MFSD12: variants seen among roughly 807,000 people sequenced by gnomAD.
MFSD12 encodes major facilitator superfamily domain containing 12, also known as major facilitator superfamily domain-containing protein 12.
In MFSD12, 67 loss-of-function variants were observed where a neutral mutation model predicts 51.2. The ratio of observed to expected loss-of-function variants is 1.31; its 90% confidence interval spans 1.08 to 1.60. The LOEUF (loss-of-function observed/expected upper bound fraction) is 1.60, where lower values mean the gene tolerates loss of function less well. Ranked by LOEUF, MFSD12 falls within the 40% of genes most tolerant of loss-of-function variation. The pLI is 0.00. For synonymous variants in MFSD12, 441 were observed against 316.7 expected (o/e 1.39, Z -4.17); for missense variants, 921 against 673.0 (o/e 1.37, Z -4.08).
intron 4 of MFSD12, chr19:3,539,047 T>C: frequency 1.5e-6 from 1 of 655,844 alleles, no homozygotes; most frequent in Non-Finnish European, 2.8e-6. Context: ...AGCCCTTCCC[T>C]CGAGGCCACC....
In MFSD12 at chr19:3,557,234, C is replaced by G; in HGVS notation, c.170G>C (p.Gly57Ala). ...LHSVRAYSSR[G>A]AGLLLLLGQV... ...GCCCAGCAGCAGCAGCAGCCCCGCGCCGCGGGAGCTGTAGGCGCGCACCGA... is the reference window on the plus strand; with the variant it reads ...GCCCAGCAGCAGCAGCAGCCCCGCGGCGCGGGAGCTGTAGGCGCGCACCGA... The change falls in exon 1 of 10, where the codon GGC (glycine) becomes GCC (alanine). Residue 57 changes from glycine (G) to alanine (A), a missense_variant. Transcript: ENST00000355415. 1.9e-6 allele frequency: 3 copies of G among 1,592,004 alleles called. No homozygotes were observed. The highest frequency in any genetic ancestry group is 2.6e-6 in the Non-Finnish European group (3 of 1,171,294).
rs549128017 is a variant in MFSD12 at position 3,551,450 on chromosome 19, C to T, written c.299-256G>A. ...AAGAAGCCAGGCGCAGGGGGTCCCC[C>T]GGAAACCTGCCCCCCACAGGTGCCC... On this transcript the variant is annotated intron_variant, in intron 1 of 9. Coordinates refer to ENST00000355415, the MANE Select transcript of MFSD12 (RefSeq NM_174983.5). This position sits in a 1 kb window ranked among gnomAD's most constrained non-coding sequence, Gnocchi z 4.6. 1.3e-3 allele frequency among the ~76,000 whole-genome samples: 198 copies of T among 152,264 alleles called. 1 individual carries two copies. Among genetic ancestry groups the T allele is most frequent in the Middle Eastern group, 3.4e-3 (1 of 294 alleles).
Position 3,544,543 on chromosome 19 carries a change from G to C in MFSD12, c.*167C>G. On this transcript the variant is annotated 3_prime_UTR_variant, in exon 10 of 10. Coordinates refer to ENST00000355415, the MANE Select transcript of MFSD12 (RefSeq NM_174983.5). Reference sequence around the variant, plus strand: ...GGGGGTCCTTGCAAGTCCCTGGCGGGCATCCCTGCTGCCCTCACCCGACCC... The same window carrying C: ...GGGGGTCCTTGCAAGTCCCTGGCGGCCATCCCTGCTGCCCTCACCCGACCC... The C allele has an allele frequency of 2.1e-6, 3 of 1,412,910 alleles. No homozygotes were observed. The highest frequency in any genetic ancestry group is 2.8e-6 in the Non-Finnish European group (3 of 1,086,214). The allele number at this position is 1,412,910 out of a possible 1,614,324, so 87.5% of individuals were successfully genotyped here. A position where few individuals can be genotyped will look rare whatever the true frequency, so the allele number is the denominator to read the frequency against.
chr19:3,548,471 C>T, intron 2 of MFSD12, among the ~76,000 whole-genome samples: 1 of 152,214 alleles, frequency 6.6e-6, no homozygotes, highest in East Asian at 1.9e-4. Context: ...AAAGCTGTGA[C>T]CTGCAGCTCC....
rs774000480 is a variant in MFSD12 at position 3,557,133 on chromosome 19, C to T, written c.271G>A (p.Gly91Ser). 8 of 1,505,194 alleles carry T rather than the reference C, an allele frequency of 5.3e-6. No individual in the cohort carries two copies. The highest frequency in any genetic ancestry group is 7.1e-6 in the Non-Finnish European group (8 of 1,129,500). The allele number at this position is 1,505,194 out of a possible 1,614,324, so 93.2% of individuals were successfully genotyped here. ...ACCAGGTGCCAGGCCTTGCGCGGGC[C>T]GTAGCGGGCGCAGCAGCTGGCGGCG... ...DRAASCCARY[G>S]PRKAWHLVGT... Residue 91 changes from glycine (G) to serine (S), a missense_variant, in exon 1 of 10, where the codon GGC (glycine) becomes AGC (serine). Gly to Ser is a moderately conservative substitution (Grantham distance 56, BLOSUM62 0). Transcript: ENST00000355415.
chr19:3,542,340 C>T, downstream of MFSD12: 3 of 985,414 alleles, frequency 3.0e-6, no homozygotes, highest in Non-Finnish European at 3.6e-6. Flanking sequence ...TGGAACCGGG[C>T]TTTCCGTGCA....
At chr19:3,540,816 T>C (rs1599807662), downstream of MFSD12, among the ~76,000 whole-genome samples, 1 of 137,312 alleles carries the variant, frequency 7.3e-6, no homozygotes. Context: ...GAGGCAGAGG[T>C]TGCAGTGAGC....
chr19:3,543,333 A>C, downstream of MFSD12: 1 of 1,549,528 alleles, frequency 6.5e-7, no homozygotes, highest in East Asian at 2.4e-5. Context: ...GCAGCCGGCC[A>C]GCTGTGGTAC....
In MFSD12 at chr19:3,557,514, C is replaced by T. The variant is rs1333158666; in HGVS notation, c.-111G>A. On this transcript the variant is annotated 5_prime_UTR_variant, in exon 1 of 10. Coordinates refer to ENST00000355415, the MANE Select transcript of MFSD12 (RefSeq NM_174983.5). Reference sequence around the variant, plus strand: ...CCGGGGACCCCCACCACGCGCCGGGCACCCCGCGTCCCGCTCTCTTACGGC... The same window carrying T: ...CCGGGGACCCCCACCACGCGCCGGGTACCCCGCGTCCCGCTCTCTTACGGC... 5 of 618,886 alleles carry T rather than the reference C, an allele frequency of 8.1e-6. No individual in the cohort carries two copies. Among genetic ancestry groups the T allele is most frequent in the Non-Finnish European group, 1.1e-5 (5 of 463,494 alleles). The allele number at this position is 618,886 out of a possible 1,614,324, so 38.3% of individuals were successfully genotyped here. A position where few individuals can be genotyped will look rare whatever the true frequency, so the allele number is the denominator to read the frequency against.
At chr19:3,539,579 G>T, downstream of MFSD12, 1 of 343,936 alleles carries the variant, frequency 2.9e-6, no homozygotes, top group Non-Finnish European at 5.4e-6. Flanking sequence ...GGGCCCTTCT[G>T]TGGCTGAGAG....
chr19:3,553,539 C>T (rs567128628), intron 1 of MFSD12, among the ~76,000 whole-genome samples: 139 of 150,270 alleles, frequency 9.3e-4, no homozygotes, highest in African/African-American at 3.3e-3. Flanking sequence ...GAGACCGAGG[C>T]GGGTGGATCA....
At chr19:3,550,715 T>G (rs2031424846) in intron 2 of MFSD12, among the ~76,000 whole-genome samples, 1 of 151,924 alleles carries the variant, frequency 6.6e-6, no homozygotes, top group Admixed American at 6.6e-5. Context: ...CAGCTGGGTG[T>G]AGTGACATAC....
In MFSD12 at chr19:3,548,103, CCACCCGGACTCCAGCT is replaced by C; in HGVS notation, c.654+4_654+19del. On this transcript the variant is annotated splice_donor_5th_base_variant and intron_variant, in intron 3 of 9. Coordinates refer to ENST00000355415, the MANE Select transcript of MFSD12 (RefSeq NM_174983.5). ...CCCTGGCTCGAGGACTTCAGGCGAC[CCACCCGGACTCCAGCT>C]CACCCGGAACACGGGCACGTCCTGG... 6.2e-7 allele frequency: 1 copy of C among 1,603,854 alleles called. No individual in the cohort carries two copies. Among genetic ancestry groups the C allele is most frequent in the Non-Finnish European group, 8.5e-7 (1 of 1,178,764 alleles).
chr19:3,542,649 AT>A, downstream of MFSD12: 1 of 1,107,540 alleles, frequency 9.0e-7, no homozygotes, highest in East Asian at 6.2e-5. Flanking sequence ...GCCTGGCTTA[AT>A]TTTCGTATTT....
rs755490386 is a variant in MFSD12, at chr19:3,549,275, C to T, written c.510-1008G>A. 1.1e-4 allele frequency among the ~76,000 whole-genome samples: 17 copies of T among 152,328 alleles called. 1 individual carries two copies. Among genetic ancestry groups the T allele is most frequent in the East Asian group, 3.9e-4 (2 of 5,184 alleles). On this transcript the variant is annotated intron_variant, in intron 2 of 9. Transcript: ENST00000355415. ...TAAGGCAGCCCCAGAGAGGCCTGCC[C>T]ATCCCATCCCCTCCCCGTGGCAGCA... is the stretch of plus-strand genomic sequence containing the variant.
chr19:3,543,840 A>T, downstream of MFSD12: 1 of 1,535,486 alleles, frequency 6.5e-7, no homozygotes, highest in Non-Finnish European at 8.8e-7. Flanking sequence ...GCTCAACAGG[A>T]ACCGGTACGG....
In MFSD12 at chr19:3,551,998, G is replaced by A. The variant is rs1031916470; in HGVS notation, c.299-804C>T. Among the ~76,000 whole-genome samples, 4 of 151,972 alleles carry A rather than the reference G, an allele frequency of 2.6e-5. No individual in the cohort carries two copies. The highest frequency in any genetic ancestry group is 4.4e-5 in the Non-Finnish European group (3 of 68,006). On this transcript the variant is annotated intron_variant, in intron 1 of 9. Coordinates refer to ENST00000355415, the MANE Select transcript of MFSD12 (RefSeq NM_174983.5). This position sits in a 1 kb window ranked among gnomAD's most constrained non-coding sequence, Gnocchi z 4.6. Reference sequence around the variant, plus strand: ...GCTCCTTTTCACCTCTGGGCTCAACGGGAATGTCACCTCCTCGAACACCTC... The same window carrying A: ...GCTCCTTTTCACCTCTGGGCTCAACAGGAATGTCACCTCCTCGAACACCTC...
downstream of MFSD12, chr19:3,543,900 C>A: frequency 6.4e-7 from 1 of 1,551,018 alleles, no homozygotes; most frequent in East Asian, 2.4e-5. Context: ...CCTGTCGGCA[C>A]CCCAGCGCCC....
rs200544010 is a variant in MFSD12, at chr19:3,551,190, G to A, written c.303C>T (p.Thr101=). Residue 101 remains threonine (T), a synonymous_variant, in exon 2 of 10, where the codon ACC becomes ACT. Transcript: ENST00000355415. The surrounding 1 kb of genome is among the most constrained non-coding windows in gnomAD (Gnocchi z 4.6). ...AGGGGAAGGACAGCAGGACGCAGAC[G>A]GTGCCTGTGGAAGGCAGAGTGGTCA... is the stretch of plus-strand genomic sequence containing the variant. ...GPRKAWHLVG[T]VCVLLSFPFI... 499 of 1,602,524 alleles carry A rather than the reference G, an allele frequency of 3.1e-4. No individual in the cohort carries two copies. Among genetic ancestry groups the A allele is most frequent in the Non-Finnish European group, 3.9e-4 (453 of 1,174,562 alleles).
Sources: gnomAD v4.1 joint callset for allele counts (sites outside exome capture counted in the v4.1 genomes callset) on GRCh38, gnomAD v4.1.1 for gene constraint, Gnocchi (gnomAD v3.1) non-coding constraint, MANE v1.5 for transcripts, NCBI Gene and HGNC (gene_info 2026-07-23, HGNC 2026-07-21) for gene names.